The following MED23 variants were observed in gnomAD, a reference collection of about 807,000 sequenced individuals.
MED23 encodes the protein mediator of RNA polymerase II transcription subunit 23.
A neutral mutation model predicts 163.9 loss-of-function variants in MED23; 105 were observed. The ratio of observed to expected loss-of-function variants is 0.64; its 90% CI spans 0.55 to 0.75. The LOEUF (loss-of-function observed/expected upper bound fraction) is 0.75. Among genes scored for constraint, MED23 ranks in the 30% least tolerant of loss-of-function variants. The probability of loss-of-function intolerance (pLI) is 0.00; values close to 1 mark genes in which losing one functional copy is unlikely to be tolerated. For missense variants in MED23, 1,054 were observed against 1,649.0 expected (o/e 0.64, Z 6.25); for synonymous variants, 561 against 565.6 (o/e 0.99, Z 0.12).
chr6:131,625,995 G>T (rs1395562874), intron 3 of MED23, among the ~76,000 whole-genome samples: 1 of 151,572 alleles, frequency 6.6e-6, no homozygotes, highest in Non-Finnish European at 1.5e-5. Flanking sequence ...GATAGCAGGT[G>T]CCTGTAGTCC....
Position 131,591,545 on chromosome 6 carries a change from A to G in MED23, c.3472-18T>C. ...TATGGCTCCTTTAAAATCGGAGGAA[A>G]GCTAGTGAAAAATATCACTTATCCA... On this transcript the variant is annotated intron_variant, in intron 25 of 28. Coordinates refer to ENST00000368068, the MANE Select transcript of MED23 (RefSeq NM_004830.4). 6.4e-7 allele frequency: 1 copy of G among 1,572,486 alleles called. No homozygotes were observed. Among genetic ancestry groups the G allele is most frequent in the Non-Finnish European group, 8.7e-7 (1 of 1,145,140 alleles).
At chr6:131,599,932 A>G in intron 18 of MED23, 106 bp downstream of exon 18, 1 of 1,366,526 alleles carries the variant, frequency 7.3e-7, no homozygotes, top group Non-Finnish European at 1.0e-6. Context: ...TAAAATAAAT[A>G]AAAGCTAATT....
chr6:131,623,127 T>C lies in MED23; in HGVS notation c.396+224A>G, dbSNP rs190925433. The stretch of plus-strand genomic sequence containing the variant: ...TGCTTTGTGACTTCCCTGCTCTTCA[T>C]AAAAATGTATCAGCTACCTGTATTT... On this transcript the variant is annotated intron_variant, in intron 5 of 28. Coordinates refer to ENST00000368068, the MANE Select transcript of MED23 (RefSeq NM_004830.4). Among the ~76,000 whole-genome samples the C allele has an allele frequency of 2.6e-5, 4 of 152,276 alleles. No individual in the cohort carries two copies. The East Asian group carries it at 5.8e-4, about 22-fold the overall frequency.
At chr6:131,575,137 A>T (rs1773552997) in intron 30 of MED23, among the ~76,000 whole-genome samples, 1 of 152,208 alleles carries the variant, frequency 6.6e-6, no homozygotes, top group Non-Finnish European at 1.5e-5. Context: ...AAAGAATTCT[A>T]GAAAATTTAA....
In MED23 at chr6:131,587,186, C is replaced by A; in HGVS notation, c.*493G>T. ...TGAAGCCTTGTTTGCTCCTACAATG[C>A]AACAAAATCTAGATTCCTTTTCTTG... On this transcript the variant is annotated 3_prime_UTR_variant, in exon 29 of 29. Coordinates refer to ENST00000368068, the MANE Select transcript of MED23 (RefSeq NM_004830.4). 8.8e-7 allele frequency: 1 copy of A among 1,130,792 alleles called. No homozygotes were observed. The highest frequency in any genetic ancestry group is 1.1e-6 in the Non-Finnish European group (1 of 908,258). 70.0% of individuals were successfully genotyped at this position (1,130,792 alleles called of 1,614,324 possible).
intron 6 of MED23, among the ~76,000 whole-genome samples, chr6:131,621,183 G>A: frequency 6.6e-6 from 1 of 152,164 alleles, no homozygotes; most frequent in East Asian, 1.9e-4. Context: ...CTGGAGAGAT[G>A]TTGGTCAAAG....
chr6:131,615,066 C>CAAAAAAA (rs5880072), intron 10 of MED23, among the ~76,000 whole-genome samples: 10 of 68,236 alleles, frequency 1.5e-4, no homozygotes, highest in African/African-American at 2.2e-4. Context: ...TCTTTGTTAC[C>CAAAAAAA]AAAAAAAAAA....
downstream of MED23, chr6:131,583,428 C>T (rs981570531): frequency 2.0e-5 from 32 of 1,614,024 alleles, no homozygotes; most frequent in Non-Finnish European, 2.5e-5. Context: ...TACTGGCACA[C>T]CAGTCGTGGG....
rs541914618 is a variant in MED23 at position 131,597,454 on chromosome 6, C to T, written c.2608-766G>A. Among the ~76,000 whole-genome samples, 40 of 117,644 alleles carry T rather than the reference C, an allele frequency of 3.4e-4. No homozygotes were observed. The South Asian group carries it at 8.3e-3, about 25-fold the overall frequency. 77.2% of individuals were successfully genotyped at this position (117,644 alleles called of 152,430 possible). A position where few individuals can be genotyped will look rare whatever the true frequency, so the allele number is the denominator to read the frequency against. On this transcript the variant is annotated intron_variant, in intron 20 of 28. Transcript: ENST00000368068. ...TCACGCCACTGCACTCCAGCCTGGGCGACAGAGAAAGACTCCATATCAAAA... is the reference window on the plus strand; with the variant it reads ...TCACGCCACTGCACTCCAGCCTGGGTGACAGAGAAAGACTCCATATCAAAA...
At chr6:131,627,292 G>C in intron 3 of MED23, 104 bp downstream of exon 3, 2 of 816,094 alleles carry the variant, frequency 2.5e-6, no homozygotes, top group Non-Finnish European at 4.0e-6. Context: ...CCCTTCTCAG[G>C]AAGATCTTAA....
At chr6:131,587,907 A>T in intron 28 of MED23, 61 bp from the exon 29 acceptor site, 1 of 1,436,994 alleles carries the variant, frequency 7.0e-7, no homozygotes, top group Non-Finnish European at 9.6e-7. Context: ...TCTCACATTT[A>T]AAGCAGGATT....
downstream of MED23, among the ~76,000 whole-genome samples, chr6:131,585,198 C>T (rs188914073): frequency 6.6e-6 from 1 of 152,174 alleles, no homozygotes; most frequent in Non-Finnish European, 1.5e-5. Flanking sequence ...CATCTTGGCT[C>T]TGGAGTGTAG....
At chr6:131,592,819 T>C (rs1394147715) in intron 24 of MED23, 187 bp downstream of exon 24, 2 of 695,766 alleles carry the variant, frequency 2.9e-6, no homozygotes, top group Non-Finnish European at 4.8e-6. Flanking sequence ...AACCCGGATC[T>C]TAGGATCCTG....
chr6:131,610,993 G>T (rs949767862), intron 10 of MED23, among the ~76,000 whole-genome samples: 5 of 152,120 alleles, frequency 3.3e-5, no homozygotes, highest in Non-Finnish European at 7.4e-5. Flanking sequence ...GAGGCAAAAA[G>T]ATCTGTGCTT....
intron 10 of MED23, among the ~76,000 whole-genome samples, chr6:131,615,066 C>CAAAAACAAAA (rs1776564467): frequency 1.5e-5 from 1 of 68,242 alleles, no homozygotes; most frequent in Non-Finnish European, 2.9e-5. Context: ...TCTTTGTTAC[C>CAAAAACAAAA]AAAAAAAAAA....
chr6:131,579,829 CGTGTGTGTGT>C (rs367611464), intron 30 of MED23, among the ~76,000 whole-genome samples: 3 of 149,426 alleles, frequency 2.0e-5, no homozygotes, highest in Non-Finnish European at 1.5e-5. Context: ...CTTTGTTTAA[CGTGTGTGTGT>C]GTGTGTATGT....
At chr6:131,579,195 C>T in intron 30 of MED23, 1 of 1,614,080 alleles carries the variant, frequency 6.2e-7, no homozygotes, top group Non-Finnish European at 8.5e-7. Context: ...AATCCAAGGT[C>T]TGTGGGAAAA....
intron 12 of MED23, among the ~76,000 whole-genome samples, 171 bp downstream of exon 12, chr6:131,607,757 T>C (rs973743838): frequency 6.6e-6 from 1 of 152,202 alleles, no homozygotes; most frequent in Non-Finnish European, 1.5e-5. Context: ...TAGTGATTTG[T>C]AAAACTGTAG....
intron 25 of MED23, 36 bp from the exon 26 acceptor site, chr6:131,591,563 C>T: frequency 6.8e-7 from 1 of 1,464,222 alleles, no homozygotes. Context: ...AAAAATATCA[C>T]TTATCCAGCA....
Sources: allele counts gnomAD v4.1 joint callset (sites outside exome capture counted in the v4.1 genomes callset), GRCh38; gene constraint gnomAD v4.1.1; transcripts MANE v1.5; gene names NCBI Gene and HGNC (gene_info 2026-07-23, HGNC 2026-07-21).